The following SEMA6A variants were observed in gnomAD, a reference collection of about 807,000 sequenced individuals.
The protein encoded by SEMA6A is semaphorin-6A.
SEMA6A carries 25 observed loss-of-function variants against 96.8 expected under a neutral mutation model. The ratio of observed to expected loss-of-function variants is 0.26; its 90% CI spans 0.19 to 0.36. The LOEUF (loss-of-function observed/expected upper bound fraction) is 0.36. Among genes scored for constraint, SEMA6A ranks in the 10% least tolerant of loss-of-function variants. SEMA6A has a pLI of 1.00. For missense variants in SEMA6A, 1,363 were observed against 1,323.1 expected, an observed-to-expected ratio of 1.03 and a Z score of -0.47; for synonymous variants, 612 against 518.0, an observed-to-expected ratio of 1.18 and a Z score of -2.46.
intron 1 of SEMA6A, among the ~76,000 whole-genome samples, chr5:116,525,523 G>A (rs1759181230): frequency 6.6e-6 from 1 of 151,978 alleles, no homozygotes; most frequent in South Asian, 2.1e-4. Context: ...ACCATCCCTT[G>A]TTTCCTAAAA....
chr5:116,498,194 G>C (rs140694658), intron 3 of SEMA6A, among the ~76,000 whole-genome samples: 1 of 152,164 alleles, frequency 6.6e-6, no homozygotes. Context: ...CTCAACAGAG[G>C]AGATGGGGGG....
intron 18 of SEMA6A, among the ~76,000 whole-genome samples, chr5:116,454,004 C>CCTAA (rs1754821704): frequency 6.6e-6 from 1 of 152,290 alleles, no homozygotes; most frequent in East Asian, 1.9e-4. Context: ...CAACCAGTAA[C>CCTAA]CTAACTCGAA....
intron 1 of SEMA6A, among the ~76,000 whole-genome samples, chr5:116,567,512 G>A (rs577564291): frequency 2.0e-4 from 30 of 152,160 alleles, no homozygotes; most frequent in African/African-American, 6.3e-4. Context: ...TTGTGTGCCC[G>A]GCATTGTGAC....
intron 1 of SEMA6A, among the ~76,000 whole-genome samples, chr5:116,564,702 C>T (rs1760957392): frequency 6.9e-6 from 1 of 145,956 alleles, no homozygotes; most frequent in African/African-American, 2.4e-5. Context: ...TCTAAAGTCA[C>T]AAACCTAAAA....
Position 116,478,100 on chromosome 5 carries a change from T to C in SEMA6A, c.1482A>G (p.Arg494=). 2 of 1,613,962 alleles carry C rather than the reference T, an allele frequency of 1.2e-6. No individual in the cohort carries two copies. Among genetic ancestry groups the C allele is most frequent in the Non-Finnish European group, 8.5e-7 (1 of 1,179,872 alleles). The change falls in exon 14 of 19, where the codon AGA becomes AGG. Residue 494 remains arginine (R), a synonymous_variant. Transcript: ENST00000343348. ...ACGCAACATACAGAGAGCTGCTTGC[T>C]CTGTCCAGCTGCATGCCCATGATCC... ...DKRIMGMQLD[R]ASSSLYVAFS...
chr5:116,542,377 C>T (rs991036695), intron 1 of SEMA6A, among the ~76,000 whole-genome samples: 2 of 152,130 alleles, frequency 1.3e-5, no homozygotes, highest in African/African-American at 4.8e-5. Flanking sequence ...CTCTATTGCA[C>T]TTTATTTCTT....
chr5:116,492,554 C>T (rs1249301979), intron 6 of SEMA6A: 2 of 152,106 alleles, frequency 1.3e-5, no homozygotes, highest in African/African-American at 4.8e-5. Flanking sequence ...TGCAGAAGTT[C>T]AAAAGGTTTA....
At chr5:116,572,126 A>T (rs1348860883) in intron 1 of SEMA6A, among the ~76,000 whole-genome samples, 1 of 152,178 alleles carries the variant, frequency 6.6e-6, no homozygotes, top group Non-Finnish European at 1.5e-5. Context: ...GCTGGGGGGC[A>T]TTAAATAGCT....
At chr5:116,537,200 AC>A (rs1328373162) in intron 1 of SEMA6A, among the ~76,000 whole-genome samples, 3 of 152,222 alleles carry the variant, frequency 2.0e-5, no homozygotes, top group Admixed American at 6.5e-5. Flanking sequence ...CATAATAAAT[AC>A]ATTTCTTGAG....
chr5:116,466,662 C>T (rs1037558301), intron 18 of SEMA6A, among the ~76,000 whole-genome samples: 2 of 152,214 alleles, frequency 1.3e-5, no homozygotes, highest in African/African-American at 4.8e-5. Context: ...GCAATAGCGA[C>T]TGTCTTCCAA....
At position 116,447,057 on chromosome 5, in the gene SEMA6A, C is replaced by T; in HGVS notation, c.2649G>A (p.Gln883=). The change falls in exon 19 of 19, where the codon CAG becomes CAA. Residue 883 remains glutamine (Q), a synonymous_variant. Coordinates refer to ENST00000343348, the MANE Select transcript of SEMA6A (RefSeq NM_020796.5). ...NLDSLPPKVP[Q]REASLGPPGA... The stretch of plus-strand genomic sequence containing the variant: ...CCGGGGGACCCAGGGAGGCCTCCCG[C>T]TGTGGAACTTTGGGGGGCAGGCTGT... 2 of 1,613,972 alleles carry T rather than the reference C, an allele frequency of 1.2e-6. No individual in the cohort carries two copies. Among genetic ancestry groups the T allele is most frequent in the Non-Finnish European group, 1.7e-6 (2 of 1,179,866 alleles).
intron 5 of SEMA6A, chr5:116,496,023 T>G: frequency 2.2e-6 from 1 of 465,072 alleles, no homozygotes; most frequent in South Asian, 2.3e-5. Context: ...TAATCCTGTG[T>G]GCGCCTAAGT....
intron 18 of SEMA6A, among the ~76,000 whole-genome samples, chr5:116,459,820 A>T (rs1755261408): frequency 6.6e-6 from 1 of 152,158 alleles, no homozygotes; most frequent in African/African-American, 2.4e-5. Flanking sequence ...ACTAAACTGT[A>T]AGCTGTCTGA....
chr5:116,488,022 T>G, intron 9 of SEMA6A, 86 bp downstream of exon 9: 2 of 868,012 alleles, frequency 2.3e-6, no homozygotes, highest in African/African-American at 1.9e-5. Flanking sequence ...GGCTCTCATT[T>G]CAAGATCATT....
intron 1 of SEMA6A, among the ~76,000 whole-genome samples, chr5:116,572,147 C>A (rs1026423882): frequency 6.6e-6 from 1 of 152,182 alleles, no homozygotes; most frequent in Non-Finnish European, 1.5e-5. Flanking sequence ...TTTCTGAGAC[C>A]TGCTGGCACA....
intron 10 of SEMA6A, 42 bp from the exon 11 acceptor site, chr5:116,482,617 G>T: frequency 6.2e-7 from 1 of 1,604,068 alleles, no homozygotes; most frequent in Non-Finnish European, 8.5e-7. Context: ...TCATGCAATG[G>T]TTATGCATGT....
At chr5:116,477,162 T>A (rs1486280346) in intron 15 of SEMA6A, among the ~76,000 whole-genome samples, 1 of 152,200 alleles carries the variant, frequency 6.6e-6, no homozygotes, top group Non-Finnish European at 1.5e-5. Context: ...GCAAATTTAT[T>A]TTGGATTTCA....
intron 11 of SEMA6A, among the ~76,000 whole-genome samples, chr5:116,480,914 T>C (rs1289167469): frequency 6.6e-6 from 1 of 152,220 alleles, no homozygotes; most frequent in Non-Finnish European, 1.5e-5. Context: ...AAAAATTTGC[T>C]TCTACAAGAA....
At chr5:116,496,742 G>C (rs2112750275) in intron 4 of SEMA6A, among the ~76,000 whole-genome samples, 1 of 152,214 alleles carries the variant, frequency 6.6e-6, no homozygotes, top group East Asian at 1.9e-4. Flanking sequence ...TAAACATAAA[G>C]AGGACATTCA....
Sources: allele counts gnomAD v4.1 joint callset (sites outside exome capture counted in the v4.1 genomes callset), GRCh38; gene constraint gnomAD v4.1.1; transcripts MANE v1.5; gene names NCBI Gene and HGNC (gene_info 2026-07-23, HGNC 2026-07-21).